DYNC1I1: variants seen among roughly 807,000 people sequenced by gnomAD.
DYNC1I1 encodes cytoplasmic dynein 1 intermediate chain 1.
DYNC1I1 carries 43 observed loss-of-function variants against 86.6 expected under a neutral mutation model. That is an observed-to-expected ratio of 0.50 (90% CI 0.39 to 0.64). The LOEUF is 0.64. Among genes scored for constraint, DYNC1I1 ranks in the 30% least tolerant of loss-of-function variants. The pLI is 0.00. For synonymous variants in DYNC1I1, 262 were observed against 283.7 expected, an observed-to-expected ratio of 0.92 and a Z score of 0.77; for missense variants, 604 against 788.8, an observed-to-expected ratio of 0.77 and a Z score of 2.81.
chr7:95,978,985 G>A lies in DYNC1I1; in HGVS notation c.580+1384G>A, dbSNP rs911649093. Reference sequence around the variant, plus strand: ...TAATTTTTGTATTTGTAGTAGAGACGGGGTTTCACCATACTGGCCAGGCTG... The same window carrying A: ...TAATTTTTGTATTTGTAGTAGAGACAGGGTTTCACCATACTGGCCAGGCTG... On this transcript the variant is annotated intron_variant, in intron 7 of 16. Coordinates refer to ENST00000447467, the MANE Select transcript of DYNC1I1 (RefSeq NM_001135556.2). Among the ~76,000 whole-genome samples, 17 of 152,206 alleles carry A rather than the reference G, an allele frequency of 1.1e-4. No homozygotes were observed. In the East Asian group the frequency reaches 3.1e-3, roughly 28 times the overall value.
rs12671998 is a variant in DYNC1I1, at chr7:95,791,696, A to G, written c.-9-13025A>G. ...AGATAATCAATAGAGATTGTCAATTATAAATTAATGGATTTTGCTAAATCA... is the reference window on the plus strand; with the variant it reads ...AGATAATCAATAGAGATTGTCAATTGTAAATTAATGGATTTTGCTAAATCA... On this transcript the variant is annotated intron_variant, in intron 1 of 16. Coordinates refer to ENST00000447467, the MANE Select transcript of DYNC1I1 (RefSeq NM_001135556.2). 6.3e-3 allele frequency among the ~76,000 whole-genome samples: 964 copies of G among 152,352 alleles called. 21 individuals carry two copies. Among genetic ancestry groups the G allele is most frequent in the East Asian group, 0.03 (155 of 5,182 alleles).
intron 16 of DYNC1I1, among the ~76,000 whole-genome samples, chr7:96,103,848 G>C: frequency 6.6e-6 from 1 of 152,196 alleles, no homozygotes; most frequent in East Asian, 1.9e-4. Context: ...TCCTGACCTC[G>C]TGATCCACCC....
chr7:95,892,063 G>T (rs1232638677), intron 6 of DYNC1I1, among the ~76,000 whole-genome samples: 1 of 152,062 alleles, frequency 6.6e-6, no homozygotes, highest in Non-Finnish European at 1.5e-5. Flanking sequence ...TGCCTCCCAG[G>T]TTTAAGTGAT....
chr7:95,874,878 G>C (rs1049052241), intron 6 of DYNC1I1, among the ~76,000 whole-genome samples: 1 of 152,252 alleles, frequency 6.6e-6, no homozygotes, highest in Non-Finnish European at 1.5e-5. Context: ...AGCCTGAGCA[G>C]ACTAAGACAG....
At chr7:96,027,139 A>G (rs962049468) in intron 10 of DYNC1I1, among the ~76,000 whole-genome samples, 1 of 152,148 alleles carries the variant, frequency 6.6e-6, no homozygotes. Context: ...ATCTGCATCC[A>G]TGTTTTTTAG....
At chr7:95,782,341 A>G (rs1794014644) in intron 1 of DYNC1I1, among the ~76,000 whole-genome samples, 3 of 152,208 alleles carry the variant, frequency 2.0e-5, no homozygotes, top group South Asian at 2.1e-4. Context: ...TACAGTCTCT[A>G]TGGGGCACCC....
intron 6 of DYNC1I1, among the ~76,000 whole-genome samples, chr7:95,873,876 A>T (rs187023046): frequency 6.6e-6 from 1 of 152,336 alleles, no homozygotes; most frequent in Non-Finnish European, 1.5e-5. Context: ...TCACTTTCAC[A>T]TAAGTCACCT....
At chr7:95,857,717 G>C (rs1789762561) in intron 5 of DYNC1I1, among the ~76,000 whole-genome samples, 1 of 152,128 alleles carries the variant, frequency 6.6e-6, no homozygotes, top group Admixed American at 6.5e-5. Context: ...CCATAGGGAG[G>C]TTTCATCCGT....
chr7:95,810,459 CAG>C lies in DYNC1I1; in HGVS notation c.179_180del (p.Glu60GlyfsTer31). ...GATCTGGATCGCAAACGACGAGAGA[CAG>C]AGGCTTTGCTGCAAAGCATTGGTAT... On this transcript the variant is annotated frameshift_variant, in exon 3 of 17. Coordinates refer to ENST00000447467, the MANE Select transcript of DYNC1I1 (RefSeq NM_001135556.2). LOFTEE classifies it high-confidence loss of function. 1 of 1,613,016 alleles carries C rather than the reference CAG, an allele frequency of 6.2e-7. No homozygotes were observed. The highest frequency in any genetic ancestry group is 8.5e-7 in the Non-Finnish European group (1 of 1,179,382).
At position 96,032,675 on chromosome 7, in the gene DYNC1I1, G is replaced by A; in HGVS notation, c.1125G>A (p.Val375=). The A allele has an allele frequency of 6.2e-7, 1 of 1,613,246 alleles. No individual in the cohort carries two copies. Among genetic ancestry groups the A allele is most frequent in the Non-Finnish European group, 8.5e-7 (1 of 1,179,428 alleles). The change falls in exon 12 of 17, where the codon GTG becomes GTA. Residue 375 remains valine (V), a synonymous_variant. Transcript: ENST00000447467. ...PLSAAAHTHP[V]YCVNVVGTQN... ...TGTTTATGTTTTTGCAGCATCCCGT[G>A]TACTGTGTAAATGTTGTTGGGACCC...
intron 10 of DYNC1I1, among the ~76,000 whole-genome samples, chr7:95,998,777 A>G (rs575134243): frequency 6.6e-6 from 1 of 152,302 alleles, no homozygotes; most frequent in Non-Finnish European, 1.5e-5. Context: ...ATTTTTTAAA[A>G]GTGTATAATT....
chr7:95,930,005 CAGA>C lies in DYNC1I1; in HGVS notation c.491-47504_491-47502del, dbSNP rs541287559. Among the ~76,000 whole-genome samples, 36 of 152,300 alleles carry C rather than the reference CAGA, an allele frequency of 2.4e-4. No individual in the cohort carries two copies. In the South Asian group the frequency reaches 6.8e-3, roughly 29 times the overall value. ...ATTTCCCAAGGAAAGGGTGACAGCA[CAGA>C]AGGTTAGATTCACGAATGCTAGAGA... On this transcript the variant is annotated intron_variant, in intron 6 of 16. Coordinates refer to ENST00000447467, the MANE Select transcript of DYNC1I1 (RefSeq NM_001135556.2).
chr7:96,059,409 T>C (rs1334143960), intron 14 of DYNC1I1, among the ~76,000 whole-genome samples: 1 of 152,144 alleles, frequency 6.6e-6, no homozygotes, highest in Admixed American at 6.5e-5. Context: ...GAGTGTAGTC[T>C]TATTCTGTCT....
At chr7:96,069,340 G>A (rs1200537075) in intron 14 of DYNC1I1, among the ~76,000 whole-genome samples, 1 of 152,166 alleles carries the variant, frequency 6.6e-6, no homozygotes, top group Non-Finnish European at 1.5e-5. Flanking sequence ...AGTCCAGAAT[G>A]AGAATAGCAA....
intron 6 of DYNC1I1, among the ~76,000 whole-genome samples, chr7:95,916,667 G>C (rs1791476148): frequency 6.6e-6 from 1 of 151,678 alleles, no homozygotes; most frequent in South Asian, 2.1e-4. Context: ...TTGTTTTTTT[G>C]ACATACGCAG....
intron 11 of DYNC1I1, among the ~76,000 whole-genome samples, chr7:96,031,797 G>A (rs1325484807): frequency 1.3e-5 from 2 of 152,148 alleles, no homozygotes; most frequent in Non-Finnish European, 2.9e-5. Flanking sequence ...GGCCACTGGT[G>A]GCTGAACTGC....
intron 5 of DYNC1I1, among the ~76,000 whole-genome samples, chr7:95,836,411 C>T (rs1396141095): frequency 6.6e-6 from 1 of 151,432 alleles, no homozygotes; most frequent in East Asian, 1.9e-4. Flanking sequence ...TTTTTTCCTT[C>T]ATTTCAACTT....
chr7:96,107,192 AATATTT>A (rs1170961863), intron 16 of DYNC1I1, among the ~76,000 whole-genome samples: 7 of 151,770 alleles, frequency 4.6e-5, no homozygotes, highest in African/African-American at 1.7e-4. Flanking sequence ...ATACCTGGCT[AATATTT>A]GTATTATTTT....
intron 6 of DYNC1I1, among the ~76,000 whole-genome samples, chr7:95,911,086 G>C (rs1055950532): frequency 6.6e-6 from 1 of 152,164 alleles, no homozygotes; most frequent in Non-Finnish European, 1.5e-5. Context: ...TCTCACTCAA[G>C]TGTGGGGATA....
Sources: allele counts gnomAD v4.1 joint callset (sites outside exome capture counted in the v4.1 genomes callset), GRCh38; gene constraint gnomAD v4.1.1; transcripts MANE v1.5; gene names NCBI Gene and HGNC (gene_info 2026-07-23, HGNC 2026-07-21).